The following NCAM2 variants were observed in gnomAD, a reference collection of about 807,000 sequenced individuals.
NCAM2 encodes N-CAM-2.
Under a neutral mutation model 98.1 loss-of-function variants are expected in NCAM2, and 30 were observed. The observed-to-expected ratio is 0.31, with a 90% confidence interval of 0.23 to 0.41. The LOEUF is 0.41. Ranked by LOEUF, NCAM2 falls within the 10% of genes least tolerant of loss-of-function variation. The pLI, the probability that NCAM2 is intolerant of heterozygous loss-of-function variation, is 1.00. For synonymous variants in NCAM2, 368 were observed against 342.4 expected, an observed-to-expected ratio of 1.07 and a Z score of -0.83; for missense variants, 867 against 1,005.8, an observed-to-expected ratio of 0.86 and a Z score of 1.87.
At position 21,318,060 on chromosome 21, in the gene NCAM2, A is replaced by G. The variant is rs183869540; in HGVS notation, c.620-6323A>G. Among the ~76,000 whole-genome samples the G allele has an allele frequency of 1.5e-3, 225 of 152,308 alleles. 2 individuals are homozygous for G. Among genetic ancestry groups the G allele is most frequent in the African/African-American group, 5.2e-3 (218 of 41,570 alleles). On this transcript the variant is annotated intron_variant, in intron 5 of 17. Transcript: ENST00000400546. Reference sequence around the variant, plus strand: ...CACAATCCAATAGCTGACTTTCTCAAAAGAAAATCCATCTGCACACAGATA... The same window carrying G: ...CACAATCCAATAGCTGACTTTCTCAGAAGAAAATCCATCTGCACACAGATA...
At chr21:21,401,765 G>C (rs187997392) in intron 9 of NCAM2, among the ~76,000 whole-genome samples, 2 of 152,162 alleles carry the variant, frequency 1.3e-5, no homozygotes, top group Non-Finnish European at 2.9e-5. Context: ...TAGGAGTATG[G>C]ATATCTTTTC....
intron 15 of NCAM2, among the ~76,000 whole-genome samples, chr21:21,485,278 G>A (rs73896929): frequency 0.016 from 2,358 of 152,108 alleles, 64 homozygotes; most frequent in African/African-American, 0.054. Context: ...AATTAAATTT[G>A]TATATGTCTA....
chr21:21,420,136 A>C (rs547808040), intron 11 of NCAM2, among the ~76,000 whole-genome samples: 2 of 152,298 alleles, frequency 1.3e-5, no homozygotes, highest in South Asian at 4.1e-4. Flanking sequence ...AATATATTTT[A>C]AACTTTTAGA....
intron 12 of NCAM2, among the ~76,000 whole-genome samples, chr21:21,459,230 G>A (rs1004986783): frequency 6.6e-6 from 1 of 151,960 alleles, no homozygotes; most frequent in African/African-American, 2.4e-5. Context: ...AACGGTAACA[G>A]TGTACACTTG....
chr21:21,121,006 G>A (rs1281623864), intron 1 of NCAM2, among the ~76,000 whole-genome samples: 2 of 152,176 alleles, frequency 1.3e-5, no homozygotes, highest in Non-Finnish European at 2.9e-5. Flanking sequence ...GTGAGCCACC[G>A]CGCCCGGCCA....
chr21:21,457,123 T>G (rs2146171267), intron 12 of NCAM2, among the ~76,000 whole-genome samples: 1 of 152,284 alleles, frequency 6.6e-6, no homozygotes. Context: ...CAGTACATGC[T>G]AGAAAGTGTT....
At chr21:21,192,708 T>TA (rs999916549) in intron 1 of NCAM2, among the ~76,000 whole-genome samples, 9 of 151,326 alleles carry the variant, frequency 5.9e-5, no homozygotes, top group African/African-American at 1.5e-4. Flanking sequence ...ATGGTGAAGG[T>TA]AAAAAAAACA....
chr21:21,172,225 C>G (rs527636246), intron 1 of NCAM2, among the ~76,000 whole-genome samples: 2 of 152,058 alleles, frequency 1.3e-5, no homozygotes, highest in African/African-American at 4.8e-5. Flanking sequence ...CAGATTTTCA[C>G]ATACTGGAAC....
intron 1 of NCAM2, among the ~76,000 whole-genome samples, chr21:21,168,306 A>C (rs1212331489): frequency 6.6e-6 from 1 of 152,098 alleles, no homozygotes; most frequent in Admixed American, 6.6e-5. Flanking sequence ...CATCAGCTTG[A>C]TAAAGAACAT....
At chr21:21,305,609 T>C (rs1442972135) in intron 5 of NCAM2, among the ~76,000 whole-genome samples, 1 of 151,800 alleles carries the variant, frequency 6.6e-6, no homozygotes, top group East Asian at 1.9e-4. Flanking sequence ...GTTTTTTTTA[T>C]CAATAATGAA....
intron 12 of NCAM2, among the ~76,000 whole-genome samples, chr21:21,441,901 G>T (rs187506920): frequency 7.4e-4 from 113 of 152,234 alleles, no homozygotes; most frequent in African/African-American, 2.5e-3. Context: ...GCTAGGCAAA[G>T]GGGTACTCTA....
At chr21:21,242,392 CTTAT>C (rs2071097188) in intron 1 of NCAM2, among the ~76,000 whole-genome samples, 1 of 152,266 alleles carries the variant, frequency 6.6e-6, no homozygotes, top group Non-Finnish European at 1.5e-5. Context: ...GCAATGCATT[CTTAT>C]TTATCATAGT....
intron 14 of NCAM2, among the ~76,000 whole-genome samples, chr21:21,471,828 C>A (rs2146236376): frequency 6.6e-6 from 1 of 152,084 alleles, no homozygotes; most frequent in Admixed American, 6.6e-5. Context: ...TAATACAGCA[C>A]ATGGCTTTGT....
At chr21:21,029,869 A>T (rs1195261761) in intron 1 of NCAM2, among the ~76,000 whole-genome samples, 1 of 151,962 alleles carries the variant, frequency 6.6e-6, no homozygotes, top group Non-Finnish European at 1.5e-5. Context: ...TGACCTCGTG[A>T]TTCGCCCGCC....
At chr21:21,287,015 T>C (rs2073126690) in intron 4 of NCAM2, among the ~76,000 whole-genome samples, 1 of 151,916 alleles carries the variant, frequency 6.6e-6, no homozygotes, top group African/African-American at 2.4e-5. Flanking sequence ...ATATAGATAA[T>C]AGAAAAGTAC....
intron 12 of NCAM2, among the ~76,000 whole-genome samples, chr21:21,453,445 T>C (rs970485422): frequency 1.6e-4 from 24 of 152,062 alleles, no homozygotes; most frequent in Non-Finnish European, 3.1e-4. Flanking sequence ...GCCAAGCCAA[T>C]GTCCCATGGG....
Position 21,148,918 on chromosome 21 carries a change from C to T in NCAM2, c.56-131660C>T, listed in dbSNP as rs555590399. On this transcript the variant is annotated intron_variant, in intron 1 of 17. Coordinates refer to ENST00000400546, the MANE Select transcript of NCAM2 (RefSeq NM_004540.5). ...TTATTTATTTTGCTGGTAAGGCATG[C>T]ATAAGCCACAGTGTATTTCCAAAAG... Among the ~76,000 whole-genome samples the T allele has an allele frequency of 2.6e-5, 4 of 152,106 alleles. No homozygotes were observed. The South Asian group carries it at 6.2e-4, about 24-fold the overall frequency.
At chr21:21,292,613 C>G (rs1193723865) in intron 5 of NCAM2, among the ~76,000 whole-genome samples, 1 of 151,836 alleles carries the variant, frequency 6.6e-6, no homozygotes, top group Non-Finnish European at 1.5e-5. Context: ...CTACATGTTT[C>G]TCAAATTTAA....
At chr21:21,295,192 C>T (rs1379858620) in intron 5 of NCAM2, among the ~76,000 whole-genome samples, 3 of 151,734 alleles carry the variant, frequency 2.0e-5, no homozygotes, top group African/African-American at 7.3e-5. Context: ...GCCCTTTATT[C>T]TACGTTTTGT....
Sources: allele counts gnomAD v4.1 joint callset (sites outside exome capture counted in the v4.1 genomes callset), GRCh38; gene constraint gnomAD v4.1.1; transcripts MANE v1.5; gene names NCBI Gene and HGNC (gene_info 2026-07-23, HGNC 2026-07-21).